SLC15A5: variants seen among roughly 807,000 people sequenced by gnomAD.
SLC15A5 encodes solute carrier family 15 member 5.
Under a neutral mutation model 56.1 loss-of-function variants are expected in SLC15A5, and 58 were observed. That is an observed-to-expected ratio of 1.03 (90% CI 0.84 to 1.29). The LOEUF (loss-of-function observed/expected upper bound fraction) is 1.29. Ranked by LOEUF, SLC15A5 falls within the 50% of genes most tolerant of loss-of-function variation. SLC15A5 has a pLI of 0.00. For synonymous variants in SLC15A5, 264 were observed against 250.5 expected (o/e 1.05, Z -0.51); for missense variants, 681 against 672.1 (o/e 1.01, Z -0.15).
chr12:16,205,327 T>A (rs1448618025), intron 7 of SLC15A5, among the ~76,000 whole-genome samples: 2 of 151,736 alleles, frequency 1.3e-5, no homozygotes, highest in Admixed American at 1.3e-4. Flanking sequence ...ATTGATGCAG[T>A]CTTTTAGAAG....
chr12:16,208,506 T>C lies in SLC15A5; in HGVS notation c.1483+8387A>G, dbSNP rs541077546. On this transcript the variant is annotated intron_variant, in intron 7 of 8. Transcript: ENST00000344941. Reference sequence around the variant, plus strand: ...GGCAATATAGTGAGACCCACATCTCTAAAACAATGCAAAAAAATTAGCCAC... The same window carrying C: ...GGCAATATAGTGAGACCCACATCTCCAAAACAATGCAAAAAAATTAGCCAC... Among the ~76,000 whole-genome samples the C allele has an allele frequency of 3.3e-5, 5 of 152,104 alleles. No homozygotes were observed. In the South Asian group the frequency reaches 8.3e-4, roughly 25 times the overall value.
At position 16,243,022 on chromosome 12, in the gene SLC15A5, A is replaced by G. The variant is rs937931420; in HGVS notation, c.975+1558T>C. ...TCATGCATTATTTAGTCTAGAGGTCAAGAAATTTTCTGTAAAGGGCCAGAT... is the reference window on the plus strand; with the variant it reads ...TCATGCATTATTTAGTCTAGAGGTCGAGAAATTTTCTGTAAAGGGCCAGAT... On this transcript the variant is annotated intron_variant, in intron 4 of 8. Coordinates refer to ENST00000344941, the MANE Select transcript of SLC15A5 (RefSeq NM_001170798.1). The surrounding 1 kb of genome is among the most constrained non-coding windows in gnomAD (Gnocchi z 4.4). 7.2e-5 allele frequency among the ~76,000 whole-genome samples: 11 copies of G among 152,272 alleles called. No homozygotes were observed. Among genetic ancestry groups the G allele is most frequent in the African/African-American group, 2.6e-4 (11 of 41,556 alleles).
intron 5 of SLC15A5, among the ~76,000 whole-genome samples, chr12:16,232,518 T>G (rs531333646): frequency 6.6e-6 from 1 of 152,224 alleles, no homozygotes; most frequent in South Asian, 2.1e-4. Flanking sequence ...AAAAAGACCT[T>G]TACCAAAGTA....
At position 16,269,172 on chromosome 12, in the gene SLC15A5, C is replaced by T. The variant is rs1395119943; in HGVS notation, c.584+3389G>A. Among the ~76,000 whole-genome samples, 1 of 152,180 alleles carries T rather than the reference C, an allele frequency of 6.6e-6. No individual in the cohort carries two copies. The highest frequency in any genetic ancestry group is 2.4e-5 in the African/African-American group (1 of 41,450). On this transcript the variant is annotated intron_variant, in intron 2 of 8. Coordinates refer to ENST00000344941, the MANE Select transcript of SLC15A5 (RefSeq NM_001170798.1). This position sits in a 1 kb window ranked among gnomAD's most constrained non-coding sequence, Gnocchi z 4.7. ...GCCAATCTCTGCTGATTTGTTATTG[C>T]AGCCTGAATAGACTAAGACAGTACT...
chr12:16,235,010 A>G lies in SLC15A5; in HGVS notation c.1162+4671T>C, dbSNP rs762481816. Among the ~76,000 whole-genome samples the G allele has an allele frequency of 2.0e-4, 31 of 151,904 alleles. No homozygotes were observed. The highest frequency in any genetic ancestry group is 4.1e-4 in the Non-Finnish European group (28 of 67,928). ...TCCTTGAGAAATTCCCTTTGGATCC[A>G]TGATTTTGGCAAATTCCCAGGATAG... is the stretch of plus-strand genomic sequence containing the variant. On this transcript the variant is annotated intron_variant, in intron 5 of 8. Transcript: ENST00000344941. This position sits in a 1 kb window ranked among gnomAD's most constrained non-coding sequence, Gnocchi z 4.1.
chr12:16,201,213 T>C (rs918001733), intron 7 of SLC15A5, among the ~76,000 whole-genome samples: 1 of 152,132 alleles, frequency 6.6e-6, no homozygotes, highest in South Asian at 2.1e-4. Flanking sequence ...AAAATTCCAC[T>C]GACACTTTTC....
Position 16,217,000 on chromosome 12 carries a change from A to G in SLC15A5, c.1376T>C (p.Val459Ala). Residue 459 changes from valine (V) to alanine (A), a missense_variant, in exon 7 of 9, where the codon GTT becomes GCT. By Grantham distance (64) the Val-to-Ala change is moderately conservative. Coordinates refer to ENST00000344941, the MANE Select transcript of SLC15A5 (RefSeq NM_001170798.1). ...PALSVISYRF[V>A]PSNVRGTSMN... ...GGAGGTTCCTCTGACATTGCTTGGAACAAATCTGTATGATATTACAGAGAC... is the reference window on the plus strand; with the variant it reads ...GGAGGTTCCTCTGACATTGCTTGGAGCAAATCTGTATGATATTACAGAGAC... 1 of 1,536,672 alleles carries G rather than the reference A, an allele frequency of 6.5e-7. No homozygotes were observed.
chr12:16,211,432 TGAG>T (rs963263631), intron 7 of SLC15A5, among the ~76,000 whole-genome samples: 16 of 152,316 alleles, frequency 1.1e-4, no homozygotes, highest in African/African-American at 3.6e-4. Flanking sequence ...TCCCGAATTT[TGAG>T]GAGAAGGAAC....
Position 16,239,798 on chromosome 12 carries a change from C to G in SLC15A5, c.1045G>C (p.Ala349Pro), listed in dbSNP as rs141824901. The part of the protein sequence containing the change: ...LNLDGFLLPI[A>P]VMNAISSLPL... ...AGGCTGCTGATGGCATTCATTACTG[C>G]AATCGGCAGAAGAAATCCATCCAAA... is the stretch of plus-strand genomic sequence containing the variant. Residue 349 changes from alanine (A) to proline (P), a missense_variant, in exon 5 of 9, where the codon GCA becomes CCA. Physicochemically the swap from Ala to Pro is conservative, Grantham distance 27. Coordinates refer to ENST00000344941, the MANE Select transcript of SLC15A5 (RefSeq NM_001170798.1). 6 of 1,537,216 alleles carry G rather than the reference C, an allele frequency of 3.9e-6. No individual in the cohort carries two copies. In the East Asian group the frequency reaches 1.5e-4, roughly 38 times the overall value.
chr12:16,205,521 AAGG>A (rs2136241548), intron 7 of SLC15A5, among the ~76,000 whole-genome samples: 1 of 121,098 alleles, frequency 8.3e-6, no homozygotes, highest in South Asian at 3.4e-4. Flanking sequence ...ATTCCATAAG[AAGG>A]GAAAGGTGCA....
rs1432932382 is a variant in SLC15A5 at position 16,244,725 on chromosome 12, C to T, written c.830G>A (p.Gly277Asp). Residue 277 changes from glycine (G) to aspartate (D), a missense_variant, in exon 4 of 9, where the codon GGC becomes GAC. Transcript: ENST00000344941. Reference sequence around the variant, plus strand: ...GTCTAACTGGCTTGTCACGTCTCTGCCAAGATGGCAGTATTGCGGGTGGCA... The same window carrying T: ...GTCTAACTGGCTTGTCACGTCTCTGTCAAGATGGCAGTATTGCGGGTGGCA... ...KTCHPQYCHLGRDVTSQLDHA... is the reference protein window; with the variant it reads ...KTCHPQYCHLDRDVTSQLDHA... 1 of 1,537,634 alleles carries T rather than the reference C, an allele frequency of 6.5e-7. No homozygotes were observed. Among genetic ancestry groups the T allele is most frequent in the Non-Finnish European group, 8.7e-7 (1 of 1,146,998 alleles).
chr12:16,218,881 C>T (rs973527533), intron 6 of SLC15A5, among the ~76,000 whole-genome samples: 1 of 152,100 alleles, frequency 6.6e-6, no homozygotes, highest in Admixed American at 6.6e-5. Context: ...TAATACTTTG[C>T]TGCAGCAAAA....
At position 16,271,199 on chromosome 12, in the gene SLC15A5, A is replaced by C. The variant is rs1864751344; in HGVS notation, c.584+1362T>G. ...GTTTCCCAAAGGAAATATTTCATTC[A>C]TATAATGTCTCCTTTGTAATCAACA... On this transcript the variant is annotated intron_variant, in intron 2 of 8. Transcript: ENST00000344941. This position sits in a 1 kb window ranked among gnomAD's most constrained non-coding sequence, Gnocchi z 8.0. Among the ~76,000 whole-genome samples, 2 of 152,246 alleles carry C rather than the reference A, an allele frequency of 1.3e-5. No homozygotes were observed. Among genetic ancestry groups the C allele is most frequent in the South Asian group, 4.2e-4 (2 of 4,818 alleles).
At chr12:16,224,701 C>T in intron 5 of SLC15A5, 99 bp from the exon 6 acceptor site, 6 of 1,177,584 alleles carry the variant, frequency 5.1e-6, no homozygotes, top group South Asian at 1.9e-5. Context: ...TTAGATGTTT[C>T]TTTTTTGTTT....
intron 3 of SLC15A5, among the ~76,000 whole-genome samples, chr12:16,257,262 C>T (rs1447650124): frequency 2.0e-5 from 3 of 151,722 alleles, no homozygotes; most frequent in African/African-American, 7.3e-5. Flanking sequence ...ATAAGAAATG[C>T]TATAATATTT....
At chr12:16,211,026 G>T (rs1482607740) in intron 7 of SLC15A5, among the ~76,000 whole-genome samples, 1 of 152,170 alleles carries the variant, frequency 6.6e-6, no homozygotes, top group African/African-American at 2.4e-5. Context: ...AGGAACCAAG[G>T]CACTAAACCA....
chr12:16,209,053 C>T (rs1443863794), intron 7 of SLC15A5, among the ~76,000 whole-genome samples: 2 of 149,822 alleles, frequency 1.3e-5, no homozygotes, highest in African/African-American at 4.9e-5. Flanking sequence ...GGACTTCCAT[C>T]ACCTTAATCC....
chr12:16,192,339 G>C (rs1165419548), intron 8 of SLC15A5, among the ~76,000 whole-genome samples: 1 of 152,060 alleles, frequency 6.6e-6, no homozygotes, highest in East Asian at 1.9e-4. Flanking sequence ...AGGAGATGGA[G>C]AAGATTTGGT....
At chr12:16,229,433 T>G (rs1426722190) in intron 5 of SLC15A5, among the ~76,000 whole-genome samples, 2 of 152,200 alleles carry the variant, frequency 1.3e-5, no homozygotes, top group African/African-American at 2.4e-5. Flanking sequence ...CTTTTAGATA[T>G]GCACTTTATA....
Sources: allele counts gnomAD v4.1 joint callset (sites outside exome capture counted in the v4.1 genomes callset), GRCh38; gene constraint gnomAD v4.1.1; non-coding constraint Gnocchi (gnomAD v3.1); transcripts MANE v1.5; gene names NCBI Gene and HGNC (gene_info 2026-07-23, HGNC 2026-07-21).